The following FAM193A variants were observed in gnomAD, a reference collection of about 807,000 sequenced individuals.
The protein encoded by FAM193A is family with sequence similarity 193 member A.
Under a neutral mutation model 126.5 loss-of-function variants are expected in FAM193A, and 22 were observed. The observed-to-expected ratio is 0.17, with a 90% CI of 0.12 to 0.25. FAM193A has a LOEUF of 0.25. FAM193A is among the 10% of genes least tolerant of loss of function. The pLI is 1.00. For missense variants in FAM193A, 1,675 were observed against 1,672.8 expected, an observed-to-expected ratio of 1.00 and a Z score of -0.02; for synonymous variants, 761 against 646.8, an observed-to-expected ratio of 1.18 and a Z score of -2.68.
intron 13 of FAM193A, among the ~76,000 whole-genome samples, chr4:2,672,786 A>G (rs1172589079): frequency 3.3e-5 from 5 of 152,344 alleles, no homozygotes; most frequent in South Asian, 2.1e-4. Flanking sequence ...TGGACTCTAC[A>G]GGGTCTAAAA....
chr4:2,592,418 T>C (rs1185331892), intron 1 of FAM193A, among the ~76,000 whole-genome samples: 1 of 152,176 alleles, frequency 6.6e-6, no homozygotes, highest in Non-Finnish European at 1.5e-5. Flanking sequence ...AATATCAATG[T>C]AACTAGATTT....
intron 6 of FAM193A, among the ~76,000 whole-genome samples, chr4:2,641,671 A>G (rs1744641056): frequency 6.6e-6 from 1 of 152,082 alleles, no homozygotes; most frequent in South Asian, 2.1e-4. Context: ...AAATACAAAA[A>G]CAAACAAACA....
At chr4:2,618,771 T>A (rs949368788) in intron 2 of FAM193A, among the ~76,000 whole-genome samples, 2 of 152,002 alleles carry the variant, frequency 1.3e-5, no homozygotes, top group Non-Finnish European at 2.9e-5. Context: ...AATTTTGTAT[T>A]TTTAGAAGGG....
chr4:2,588,899 T>C (rs1254223073), intron 1 of FAM193A, among the ~76,000 whole-genome samples: 2 of 152,200 alleles, frequency 1.3e-5, no homozygotes, highest in African/African-American at 4.8e-5. Context: ...ACTTTAAAGA[T>C]TGGCAAAGAA....
At chr4:2,573,175 T>G (rs1232997670) in intron 1 of FAM193A, among the ~76,000 whole-genome samples, 1 of 152,066 alleles carries the variant, frequency 6.6e-6, no homozygotes, top group Non-Finnish European at 1.5e-5. Context: ...TGTGCTCTAC[T>G]CTCAGAGGTT....
Position 2,662,856 on chromosome 4 carries a change from T to C in FAM193A, c.1764T>C (p.Asp588=), listed in dbSNP as rs1560536878. The C allele has an allele frequency of 6.2e-7, 1 of 1,610,690 alleles. No individual in the cohort carries two copies. Among genetic ancestry groups the C allele is most frequent in the Non-Finnish European group, 8.5e-7 (1 of 1,177,080 alleles). Residue 588 remains aspartate, a synonymous_variant, in exon 11 of 21, where the codon GAT becomes GAC. Transcript: ENST00000637812. Reference sequence around the variant, plus strand: ...GTGTCAGTTGTAGTGATGATGAAGATGTTGCACCATTGTCAGCCAAATTTG... The same window carrying C: ...GTGTCAGTTGTAGTGATGATGAAGACGTTGCACCATTGTCAGCCAAATTTG... ...SAPTFCSDDE[D]VAPLSAKFAD... is the part of the protein sequence containing the mutation.
intron 6 of FAM193A, among the ~76,000 whole-genome samples, chr4:2,642,117 C>T (rs145789923): frequency 0.037 from 5,252 of 140,172 alleles, 347 homozygotes; most frequent in African/African-American, 0.14. Context: ...GGTGAAACCC[C>T]GTCTCTACTA....
At chr4:2,641,074 T>C (rs868747452) in intron 6 of FAM193A, among the ~76,000 whole-genome samples, 8 of 151,934 alleles carry the variant, frequency 5.3e-5, no homozygotes, top group Middle Eastern at 3.4e-3. Flanking sequence ...AGTGTCTTGC[T>C]CTGTCACCCA....
intron 1 of FAM193A, among the ~76,000 whole-genome samples, chr4:2,553,525 C>T (rs1024937299): frequency 5.3e-5 from 8 of 151,676 alleles, no homozygotes; most frequent in African/African-American, 9.7e-5. Flanking sequence ...GGACTACAGG[C>T]GCGCACCACC....
chr4:2,636,419 C>T (rs1744096547), intron 5 of FAM193A, among the ~76,000 whole-genome samples: 1 of 152,092 alleles, frequency 6.6e-6, no homozygotes, highest in South Asian at 2.1e-4. Context: ...TGAGAGTACA[C>T]CAACGCGGGA....
intron 13 of FAM193A, among the ~76,000 whole-genome samples, chr4:2,676,271 C>T (rs1402498848): frequency 6.6e-6 from 1 of 152,242 alleles, no homozygotes; most frequent in Non-Finnish European, 1.5e-5. Context: ...TCTCCACATC[C>T]TCATTAACAC....
intron 1 of FAM193A, among the ~76,000 whole-genome samples, chr4:2,581,715 G>T (rs1241645731): frequency 6.6e-6 from 1 of 151,196 alleles, no homozygotes; most frequent in Non-Finnish European, 1.5e-5. Context: ...GTGCAGTGGC[G>T]TGATCTAGGC....
At chr4:2,561,632 G>T (rs1288259179) in intron 1 of FAM193A, among the ~76,000 whole-genome samples, 1 of 151,816 alleles carries the variant, frequency 6.6e-6, no homozygotes, top group Non-Finnish European at 1.5e-5. Context: ...GAGTAGCTGG[G>T]ATTACAGCTG....
intron 20 of FAM193A, among the ~76,000 whole-genome samples, chr4:2,730,518 A>G (rs1026644625): frequency 6.6e-6 from 1 of 152,044 alleles, no homozygotes; most frequent in Non-Finnish European, 1.5e-5. Flanking sequence ...GTGAAACCCC[A>G]TCTCTACTAA....
chr4:2,551,596 T>C (rs952958778), intron 1 of FAM193A, among the ~76,000 whole-genome samples: 15 of 152,222 alleles, frequency 9.9e-5, no homozygotes, highest in Non-Finnish European at 2.1e-4. Context: ...ATTATCCTTT[T>C]AATGTCTGTG....
At chr4:2,654,915 C>A in intron 7 of FAM193A, 1 of 466,900 alleles carries the variant, frequency 2.1e-6, no homozygotes. Context: ...CCAGTCATCT[C>A]GCCAGATGCC....
At chr4:2,600,991 A>G (rs934152026) in intron 2 of FAM193A, among the ~76,000 whole-genome samples, 1 of 152,202 alleles carries the variant, frequency 6.6e-6, no homozygotes, top group African/African-American at 2.4e-5. Context: ...AGCGTGGCAC[A>G]TGCCTGTAGT....
At chr4:2,653,677 C>T (rs1192284968) in intron 7 of FAM193A, among the ~76,000 whole-genome samples, 2 of 152,162 alleles carry the variant, frequency 1.3e-5, no homozygotes, top group Non-Finnish European at 2.9e-5. Context: ...CTCTTGACCT[C>T]ATCATCCACC....
chr4:2,570,539 A>G (rs1739230512), intron 1 of FAM193A, among the ~76,000 whole-genome samples: 1 of 152,116 alleles, frequency 6.6e-6, no homozygotes, highest in Non-Finnish European at 1.5e-5. Context: ...TGCAGAGGTC[A>G]TGCCACATCT....
Sources: allele counts gnomAD v4.1 joint callset (sites outside exome capture counted in the v4.1 genomes callset), GRCh38; gene constraint gnomAD v4.1.1; transcripts MANE v1.5; gene names NCBI Gene and HGNC (gene_info 2026-07-23, HGNC 2026-07-21).